KLHL29: variants seen among roughly 807,000 people sequenced by gnomAD.
KLHL29 encodes kelch-like protein 29.
In KLHL29, 21 loss-of-function variants were observed where a neutral mutation model predicts 80.4. The ratio of observed to expected loss-of-function variants is 0.26; its 90% CI spans 0.19 to 0.38. The LOEUF is 0.38. Ranked by LOEUF, KLHL29 falls within the 10% of genes least tolerant of loss-of-function variation. The pLI, the probability that KLHL29 is intolerant of heterozygous loss-of-function variation, is 1.00. For synonymous variants in KLHL29, 511 were observed against 526.8 expected (o/e 0.97, Z 0.41); for missense variants, 867 against 1,223.9 (o/e 0.71, Z 4.35).
intron 5 of KLHL29, among the ~76,000 whole-genome samples, chr2:23,676,129 G>A (rs532762608): frequency 2.9e-4 from 44 of 152,306 alleles, no homozygotes; most frequent in African/African-American, 1.0e-3. Flanking sequence ...CCACAGGAGA[G>A]AGTGAAGTTA....
intron 5 of KLHL29, among the ~76,000 whole-genome samples, chr2:23,664,109 A>C (rs866978440): frequency 6.6e-6 from 1 of 152,218 alleles, no homozygotes; most frequent in African/African-American, 2.4e-5. Context: ...TGCGCCTACA[A>C]CTATGTTTAT....
At chr2:23,499,508 G>A (rs148690590) in intron 2 of KLHL29, among the ~76,000 whole-genome samples, 33 of 152,272 alleles carry the variant, frequency 2.2e-4, no homozygotes, top group African/African-American at 6.5e-4. Context: ...ACTTGGTGAC[G>A]TTCCCTGGCT....
intron 3 of KLHL29, among the ~76,000 whole-genome samples, chr2:23,605,883 T>A (rs1249574784): frequency 6.6e-6 from 1 of 151,852 alleles, no homozygotes; most frequent in Non-Finnish European, 1.5e-5. Context: ...GATTCTCGTG[T>A]CTCAGCCTCC....
At chr2:23,706,253 G>A (rs1052734363) in intron 13 of KLHL29, among the ~76,000 whole-genome samples, 2 of 152,182 alleles carry the variant, frequency 1.3e-5, no homozygotes, top group Non-Finnish European at 2.9e-5. Flanking sequence ...GGGAGGGAGC[G>A]CCTTCTGCCG....
In KLHL29 at chr2:23,703,703, T is replaced by G; in HGVS notation, c.2300-16T>G. ...AGACAAGCTGCCGTGACCTGCCTGCTCTGCTCTCCTCACAGACAACAAGTA... is the reference window on the plus strand; with the variant it reads ...AGACAAGCTGCCGTGACCTGCCTGCGCTGCTCTCCTCACAGACAACAAGTA... On this transcript the variant is annotated splice_polypyrimidine_tract_variant and intron_variant, in intron 12 of 13. Transcript: ENST00000486442. The G allele has an allele frequency of 6.5e-7, 1 of 1,531,416 alleles. No individual in the cohort carries two copies. Among genetic ancestry groups the G allele is most frequent in the Non-Finnish European group, 8.7e-7 (1 of 1,144,012 alleles). The allele number at this position is 1,531,416 out of a possible 1,614,324, so 94.9% of individuals were successfully genotyped here.
intron 3 of KLHL29, among the ~76,000 whole-genome samples, chr2:23,591,208 GC>G (rs1244341431): frequency 6.6e-6 from 1 of 152,188 alleles, no homozygotes; most frequent in Admixed American, 6.5e-5. Flanking sequence ...AGGAGCAACG[GC>G]CCTGAGGGAG....
chr2:23,615,581 C>T (rs938256814), intron 3 of KLHL29, among the ~76,000 whole-genome samples: 1 of 152,114 alleles, frequency 6.6e-6, no homozygotes, highest in East Asian at 1.9e-4. Context: ...CGAGCCGGGC[C>T]GGAGCACCTG....
chr2:23,677,017 A>G (rs1226393462), intron 5 of KLHL29, among the ~76,000 whole-genome samples: 4 of 152,230 alleles, frequency 2.6e-5, no homozygotes, highest in Non-Finnish European at 4.4e-5. Context: ...CCTCTGTTCA[A>G]TCCTTGGACC....
rs569159230 is a variant in KLHL29 at position 23,632,034 on chromosome 2, G to T, written c.286-7105G>T. Among the ~76,000 whole-genome samples the T allele has an allele frequency of 2.0e-5, 3 of 152,160 alleles. No homozygotes were observed. The South Asian group carries it at 6.2e-4, about 32-fold the overall frequency. On this transcript the variant is annotated intron_variant, in intron 3 of 13. Coordinates refer to ENST00000486442, the MANE Select transcript of KLHL29 (RefSeq NM_052920.2). ...AAAGGGGCACATTTTTGGGTCCCTCGCCCAACACCAACTGAAGCAGAACCT... is the reference window on the plus strand; with the variant it reads ...AAAGGGGCACATTTTTGGGTCCCTCTCCCAACACCAACTGAAGCAGAACCT...
chr2:23,696,725 G>A lies in KLHL29; in HGVS notation c.2105+212G>A. 2.0e-6 allele frequency: 1 copy of A among 498,602 alleles called. No homozygotes were observed. Among genetic ancestry groups the A allele is most frequent in the Non-Finnish European group, 3.5e-6 (1 of 285,018 alleles). The allele number at this position is 498,602 out of a possible 1,614,324, so 30.9% of individuals were successfully genotyped here. A position where few individuals can be genotyped will look rare whatever the true frequency, so the allele number is the denominator to read the frequency against. ...ATGGGATGACATCTGTGTCACCTTTGCAGTCGCTGAGATGGGAGATGGGGC... is the reference window on the plus strand; with the variant it reads ...ATGGGATGACATCTGTGTCACCTTTACAGTCGCTGAGATGGGAGATGGGGC... On this transcript the variant is annotated intron_variant, in intron 11 of 13. Transcript: ENST00000486442. The surrounding 1 kb of genome is among the most constrained non-coding windows in gnomAD (Gnocchi z 5.5).
intron 2 of KLHL29, among the ~76,000 whole-genome samples, chr2:23,517,208 T>C (rs1258626439): frequency 1.3e-5 from 2 of 152,198 alleles, no homozygotes; most frequent in Non-Finnish European, 2.9e-5. Context: ...CTCTTTTTTC[T>C]TTAAACTTAG....
chr2:23,634,059 G>T (rs1459554625), intron 3 of KLHL29, among the ~76,000 whole-genome samples: 1 of 152,136 alleles, frequency 6.6e-6, no homozygotes, highest in Non-Finnish European at 1.5e-5. Flanking sequence ...CGGCTCCCTG[G>T]TGTAGGTGTC....
rs192683685 is a variant in KLHL29 at position 23,658,334 on chromosome 2, C to T, written c.940+15484C>T. Among the ~76,000 whole-genome samples, 35 of 152,260 alleles carry T rather than the reference C, an allele frequency of 2.3e-4. No individual in the cohort carries two copies. In the East Asian group the frequency reaches 6.4e-3, roughly 28 times the overall value. ...TGGACACCAGGGTGGGGAAGATGCC[C>T]CCGTCAGCACAGGCTGCTAAGTCTG... On this transcript the variant is annotated intron_variant, in intron 5 of 13. Transcript: ENST00000486442.
At chr2:23,523,595 T>C (rs1304987137) in intron 2 of KLHL29, among the ~76,000 whole-genome samples, 1 of 152,170 alleles carries the variant, frequency 6.6e-6, no homozygotes, top group Non-Finnish European at 1.5e-5. Flanking sequence ...TGGCTTCACG[T>C]AGTGAGTCTC....
Position 23,670,977 on chromosome 2 carries a change from TCTCCCTCC to T in KLHL29, c.941-13404_941-13397del, listed in dbSNP as rs1558432949. On this transcript the variant is annotated intron_variant, in intron 5 of 13. Transcript: ENST00000486442. ...CTCTCTCTCTCTCTCTCTCTCTCTC[TCTCCCTCC>T]CTCCCTCCCTCCCTCCCCCCCCCCA... Among the ~76,000 whole-genome samples, 3 of 6,366 alleles carry T rather than the reference TCTCCCTCC, an allele frequency of 4.7e-4. 1 individual carries two copies. The highest frequency in any genetic ancestry group is 0.022 in the East Asian group (2 of 92). 4.2% of individuals were successfully genotyped at this position (6,366 alleles called of 152,430 possible).
chr2:23,440,806 A>G (rs925732889), intron 1 of KLHL29, among the ~76,000 whole-genome samples: 26 of 152,240 alleles, frequency 1.7e-4, no homozygotes, highest in African/African-American at 5.8e-4. Context: ...TTGGAATGGC[A>G]ATCATTAAAA....
intron 4 of KLHL29, 99 bp downstream of exon 4, chr2:23,639,379 A>G (rs2149156416): frequency 1.6e-6 from 2 of 1,222,158 alleles, no homozygotes; most frequent in East Asian, 2.7e-5. Flanking sequence ...CAGGTCTTGA[A>G]CCCAGGGCCT....
At chr2:23,580,892 T>G (rs1370743853) in intron 3 of KLHL29, among the ~76,000 whole-genome samples, 1 of 134,744 alleles carries the variant, frequency 7.4e-6, no homozygotes, top group East Asian at 2.4e-4. Flanking sequence ...GCAACAGGAT[T>G]GCTTGAACCC....
At chr2:23,426,160 GGGATGAGTAGGGCAGA>G (rs1558333972) in intron 1 of KLHL29, among the ~76,000 whole-genome samples, 3 of 152,130 alleles carry the variant, frequency 2.0e-5, no homozygotes, top group African/African-American at 7.2e-5. Flanking sequence ...CGGGGAGGAG[GGGATGAGTAGGGCAGA>G]GGGTTAACTT....
Sources: gnomAD v4.1 joint callset for allele counts (sites outside exome capture counted in the v4.1 genomes callset) on GRCh38, gnomAD v4.1.1 for gene constraint, Gnocchi (gnomAD v3.1) non-coding constraint, MANE v1.5 for transcripts, NCBI Gene and HGNC (gene_info 2026-07-23, HGNC 2026-07-21) for gene names.